The following SLC23A2 variants were observed in gnomAD, a reference collection of about 807,000 sequenced individuals.
SLC23A2 encodes Na(+)/L-ascorbic acid transporter 2.
Under a neutral mutation model 73.3 loss-of-function variants are expected in SLC23A2, and 36 were observed. The observed-to-expected ratio is 0.49, with a 90% CI of 0.38 to 0.65. SLC23A2 has a LOEUF of 0.65. Among genes scored for constraint, SLC23A2 ranks in the 30% least tolerant of loss-of-function variants. The pLI is 0.00. For synonymous variants in SLC23A2, 343 were observed against 327.3 expected, an observed-to-expected ratio of 1.05 and a Z score of -0.52; for missense variants, 507 against 841.6, an observed-to-expected ratio of 0.60 and a Z score of 4.92.
intron 2 of SLC23A2, among the ~76,000 whole-genome samples, chr20:4,941,779 A>T (rs1402033253): frequency 6.6e-6 from 1 of 152,138 alleles, no homozygotes; most frequent in Non-Finnish European, 1.5e-5. Flanking sequence ...TAAAAAAATA[A>T]AAAGAATGGT....
rs1317854617 is a variant in SLC23A2 at position 4,899,061 on chromosome 20, GGGCAAGCCTAAATGCTGGGT to G, written c.482+474_482+493del. 6.6e-6 allele frequency among the ~76,000 whole-genome samples: 1 copy of G among 152,196 alleles called. No homozygotes were observed. Among genetic ancestry groups the G allele is most frequent in the Non-Finnish European group, 1.5e-5 (1 of 68,034 alleles). On this transcript the variant is annotated intron_variant, in intron 6 of 16. Coordinates refer to ENST00000338244, the MANE Select transcript of SLC23A2 (RefSeq NM_005116.6). This position sits in a 1 kb window ranked among gnomAD's most constrained non-coding sequence, Gnocchi z 4.9. The stretch of plus-strand genomic sequence containing the variant: ...GAGATGGAAGTGGGGCAGAGAGCAA[GGGCAAGCCTAAATGCTGGGT>G]GCAGCCTGGTGTGTAAAAAGGGAGG...
In SLC23A2 at chr20:4,870,508, C is replaced by T. The variant is rs767018036; in HGVS notation, c.1103-455G>A. 2.0e-5 allele frequency among the ~76,000 whole-genome samples: 3 copies of T among 151,718 alleles called. 1 individual carries two copies. The South Asian group carries it at 6.3e-4, about 32-fold the overall frequency. On this transcript the variant is annotated intron_variant, in intron 11 of 16. Coordinates refer to ENST00000338244, the MANE Select transcript of SLC23A2 (RefSeq NM_005116.6). ...AGGAGAATCACTTGAACCTAGGAGG[C>T]GGAGGTTGCAGTGAGCCAAGACTGC...
At chr20:4,987,845 C>CA (rs530611134) in intron 1 of SLC23A2, among the ~76,000 whole-genome samples, 6,141 of 135,228 alleles carry the variant, frequency 0.045, 310 homozygotes, top group South Asian at 0.15. Context: ...GACTCCATCT[C>CA]AAAAAAAAAA....
At chr20:4,948,474 C>T (rs2087150711) in intron 2 of SLC23A2, among the ~76,000 whole-genome samples, 1 of 152,182 alleles carries the variant, frequency 6.6e-6, no homozygotes, top group African/African-American at 2.4e-5. Context: ...TTCCTCTTCC[C>T]TGCAGACTCT....
chr20:5,003,360 G>T, upstream of SLC23A2, among the ~76,000 whole-genome samples: 1 of 151,060 alleles, frequency 6.6e-6, no homozygotes. Context: ...CTCCAGCCTG[G>T]GCGACAGAGC....
rs1930077677 is a variant in SLC23A2, at chr20:4,863,682, CT to C, written c.1357-776del. ...GAGGCTGGTCCCCTGCTTGCATCCT[CT>C]GGTACTCATGAAATAAAGCCCACTT... On this transcript the variant is annotated intron_variant, in intron 13 of 16. Coordinates refer to ENST00000338244, the MANE Select transcript of SLC23A2 (RefSeq NM_005116.6). The surrounding 1 kb of genome is among the most constrained non-coding windows in gnomAD (Gnocchi z 4.8). Among the ~76,000 whole-genome samples the C allele has an allele frequency of 6.6e-6, 1 of 152,184 alleles. No homozygotes were observed. Among genetic ancestry groups the C allele is most frequent in the South Asian group, 2.1e-4 (1 of 4,834 alleles).
Position 4,857,335 on chromosome 20 carries a change from C to CACAT in SLC23A2, c.1721-132_1721-131insATGT. 1 of 526,934 alleles carries CACAT rather than the reference C, an allele frequency of 1.9e-6. No homozygotes were observed. Among genetic ancestry groups the CACAT allele is most frequent in the East Asian group, 3.0e-5 (1 of 33,316 alleles). The allele number at this position is 526,934 out of a possible 1,614,324, so 32.6% of individuals were successfully genotyped here. On this transcript the variant is annotated intron_variant, in intron 16 of 16. Transcript: ENST00000338244. The surrounding 1 kb of genome is among the most constrained non-coding windows in gnomAD (Gnocchi z 4.0). ...ACACACACACACACACACACACACA[C>CACAT]ATGGTCCCACAGATCAAACCTGCCT...
intron 1 of SLC23A2, among the ~76,000 whole-genome samples, chr20:4,979,647 C>T (rs1252830687): frequency 6.6e-6 from 1 of 152,070 alleles, no homozygotes; most frequent in African/African-American, 2.4e-5. Flanking sequence ...TCAAAGGTGG[C>T]AGCTGATTGT....
rs531511623 is a variant in SLC23A2 at position 4,919,577 on chromosome 20, C to T, written c.109-6599G>A. On this transcript the variant is annotated intron_variant, in intron 3 of 16. Transcript: ENST00000338244. ...TGCAGTGTGTGCTCCTCCCACACCC[C>T]AGGCAGGTGGTGCTGGTGACTGCTA... 1.3e-4 allele frequency among the ~76,000 whole-genome samples: 20 copies of T among 152,302 alleles called. 1 individual carries two copies. Among genetic ancestry groups the T allele is most frequent in the African/African-American group, 4.6e-4 (19 of 41,552 alleles).
At chr20:4,979,293 C>CA (rs796446555) in intron 1 of SLC23A2, among the ~76,000 whole-genome samples, 39 of 149,598 alleles carry the variant, frequency 2.6e-4, no homozygotes, top group African/African-American at 6.7e-4. Flanking sequence ...ACCCCCATCT[C>CA]AAAAAAAAAG....
intron 1 of SLC23A2, among the ~76,000 whole-genome samples, chr20:4,976,007 C>T (rs1319053999): frequency 6.6e-6 from 1 of 151,754 alleles, no homozygotes; most frequent in Non-Finnish European, 1.5e-5. Context: ...GCACCTGTCA[C>T]CAGGCCCGGC....
At chr20:4,980,527 TTTTTC>T (rs2087709424) in intron 1 of SLC23A2, among the ~76,000 whole-genome samples, 1 of 151,956 alleles carries the variant, frequency 6.6e-6, no homozygotes, top group Non-Finnish European at 1.5e-5. Context: ...TTTTACTTTC[TTTTTC>T]TTTTCTTTTT....
chr20:4,985,067 G>A (rs1329791343), intron 1 of SLC23A2, among the ~76,000 whole-genome samples: 3 of 151,002 alleles, frequency 2.0e-5, no homozygotes, highest in African/African-American at 7.3e-5. Context: ...ATCCCGGGAC[G>A]TGGAGGTTAC....
intron 4 of SLC23A2, among the ~76,000 whole-genome samples, chr20:4,910,626 G>A (rs56082130): frequency 0.012 from 1,824 of 152,160 alleles, 45 homozygotes; most frequent in African/African-American, 0.042. Context: ...AGTAGAGACG[G>A]GGTTTCGCCA....
intron 11 of SLC23A2, among the ~76,000 whole-genome samples, chr20:4,870,371 G>C (rs751485652): frequency 1.2e-4 from 19 of 152,162 alleles, no homozygotes; most frequent in Non-Finnish European, 2.6e-4. Flanking sequence ...GAGGTCAGGA[G>C]TTCGAGACCA....
chr20:4,926,174 A>G (rs1464509731), intron 3 of SLC23A2, among the ~76,000 whole-genome samples: 1 of 150,512 alleles, frequency 6.6e-6, no homozygotes. Flanking sequence ...ACTAAACCTC[A>G]TAAAGTTACT....
intron 6 of SLC23A2, among the ~76,000 whole-genome samples, chr20:4,893,170 C>T (rs1418227636): frequency 6.6e-6 from 1 of 151,810 alleles, no homozygotes; most frequent in Non-Finnish European, 1.5e-5. Context: ...CTCAAGCGAC[C>T]CTCCCACTTC....
At chr20:4,936,060 T>C (rs1288838067) in intron 2 of SLC23A2, among the ~76,000 whole-genome samples, 1 of 152,220 alleles carries the variant, frequency 6.6e-6, no homozygotes, top group African/African-American at 2.4e-5. Flanking sequence ...TTATCCCCGC[T>C]TTTTGTTTAT....
rs368006652 is a variant in SLC23A2, at chr20:4,957,900, C to CAA, written c.-155+12891_-155+12892dup. 8.1e-3 allele frequency among the ~76,000 whole-genome samples: 624 copies of CAA among 77,258 alleles called. 3 individuals are homozygous for CAA. The highest frequency in any genetic ancestry group is 0.022 in the African/African-American group (553 of 24,816). 50.7% of individuals were successfully genotyped at this position (77,258 alleles called of 152,430 possible). Reference sequence around the variant, plus strand: ...TGGGCAACAGAGTGAGACTCCATCTCAAAAAAAAAAAAAAAAAACTTATTA... The same window carrying CAA: ...TGGGCAACAGAGTGAGACTCCATCTCAAAAAAAAAAAAAAAAAAAACTTATTA... On this transcript the variant is annotated intron_variant, in intron 2 of 16. Transcript: ENST00000338244.
Sources: gnomAD v4.1 joint callset for allele counts (sites outside exome capture counted in the v4.1 genomes callset) on GRCh38, gnomAD v4.1.1 for gene constraint, Gnocchi (gnomAD v3.1) non-coding constraint, MANE v1.5 for transcripts, NCBI Gene and HGNC (gene_info 2026-07-23, HGNC 2026-07-21) for gene names.